ROBO2: variants seen among roughly 807,000 people sequenced by gnomAD.
ROBO2 encodes the protein roundabout guidance receptor 2.
ROBO2 carries 53 observed loss-of-function variants against 160.8 expected under a neutral mutation model. The observed-to-expected ratio is 0.33, with a 90% CI of 0.26 to 0.41. The LOEUF (loss-of-function observed/expected upper bound fraction) is 0.41. ROBO2 is among the 10% of genes least tolerant of loss of function. The pLI is 1.00. For synonymous variants in ROBO2, 664 were observed against 611.7 expected (o/e 1.09, Z -1.26); for missense variants, 1,577 against 1,722.4 (o/e 0.92, Z 1.49).
intron 2 of ROBO2, among the ~76,000 whole-genome samples, chr3:76,745,377 T>C (rs1434186178): frequency 2.0e-5 from 3 of 152,144 alleles, no homozygotes; most frequent in African/African-American, 7.2e-5. Flanking sequence ...TTAGCTATTA[T>C]ATGTGAGCTG....
intron 6 of ROBO2, among the ~76,000 whole-genome samples, chr3:77,526,720 A>G (rs916061408): frequency 6.6e-6 from 1 of 151,506 alleles, no homozygotes; most frequent in African/African-American, 2.4e-5. Flanking sequence ...TTGTTGAAGC[A>G]GCAGTTTGAA....
intron 2 of ROBO2, among the ~76,000 whole-genome samples, chr3:76,414,855 G>C (rs1486869177): frequency 6.6e-6 from 1 of 152,016 alleles, no homozygotes; most frequent in Non-Finnish European, 1.5e-5. Context: ...ATTATTCTAA[G>C]GGAAGTGATT....
chr3:76,887,234 A>G (rs1235619013), intron 2 of ROBO2, among the ~76,000 whole-genome samples: 1 of 116,660 alleles, frequency 8.6e-6, no homozygotes, highest in Non-Finnish European at 1.6e-5. Flanking sequence ...AAGGAATGAC[A>G]TGATGAGAAA....
intron 2 of ROBO2, among the ~76,000 whole-genome samples, chr3:76,846,245 G>A (rs1191324833): frequency 2.0e-5 from 3 of 152,058 alleles, no homozygotes; most frequent in Admixed American, 2.0e-4. Flanking sequence ...AATTAACAAA[G>A]CAGTTATTCC....
intron 2 of ROBO2, among the ~76,000 whole-genome samples, chr3:77,468,285 T>C (rs1178172182): frequency 2.6e-5 from 4 of 152,176 alleles, no homozygotes; most frequent in Non-Finnish European, 5.9e-5. Context: ...TGCTGGCTCT[T>C]TAACTGCAAA....
In ROBO2 at chr3:76,630,373, G is replaced by A. The variant is rs575803625; in HGVS notation, c.110-467641G>A. ...CAGGAACTTGAACTGGAATAAGCAAGTAAATAATTGTGCCACTTGTATTTG... is the reference window on the plus strand; with the variant it reads ...CAGGAACTTGAACTGGAATAAGCAAATAAATAATTGTGCCACTTGTATTTG... On this transcript the variant is annotated intron_variant, in intron 2 of 26. Transcript: ENST00000487694. 6.6e-5 allele frequency among the ~76,000 whole-genome samples: 10 copies of A among 152,284 alleles called. No homozygotes were observed. In the South Asian group the frequency reaches 2.1e-3, roughly 32 times the overall value.
chr3:76,126,056 CA>C (rs2070973284), intron 2 of ROBO2, among the ~76,000 whole-genome samples: 1 of 152,048 alleles, frequency 6.6e-6, no homozygotes, highest in African/African-American at 2.4e-5. Context: ...TCAGGTGATC[CA>C]CCCTCCTCGG....
At chr3:77,563,906 A>G (rs1210444195) in intron 11 of ROBO2, among the ~76,000 whole-genome samples, 1 of 152,168 alleles carries the variant, frequency 6.6e-6, no homozygotes, top group African/African-American at 2.4e-5. Flanking sequence ...AATTGTTGCC[A>G]ATTTAAAGAT....
At chr3:76,374,226 A>G (rs1397501647) in intron 2 of ROBO2, among the ~76,000 whole-genome samples, 2 of 151,990 alleles carry the variant, frequency 1.3e-5, no homozygotes, top group Non-Finnish European at 2.9e-5. Context: ...ACTACAAATG[A>G]TAAAGCATCC....
intron 2 of ROBO2, among the ~76,000 whole-genome samples, chr3:77,474,657 T>TACACACACAC (rs9286680): frequency 9.3e-5 from 12 of 128,576 alleles, no homozygotes; most frequent in African/African-American, 2.5e-4. Context: ...TTAGGGGGAA[T>TACACACACAC]ACACACACAC....
At chr3:76,456,075 C>A (rs1577323371) in intron 2 of ROBO2, among the ~76,000 whole-genome samples, 1 of 152,150 alleles carries the variant, frequency 6.6e-6, no homozygotes, top group Non-Finnish European at 1.5e-5. Flanking sequence ...GTATTTGTAG[C>A]ATATTGATAG....
intron 2 of ROBO2, among the ~76,000 whole-genome samples, chr3:76,214,327 G>A (rs1575909956): frequency 6.6e-6 from 1 of 152,158 alleles, no homozygotes; most frequent in East Asian, 1.9e-4. Flanking sequence ...CCCTCAGTGG[G>A]TGCAGTACAC....
chr3:77,012,146 G>T (rs1315263656), intron 2 of ROBO2, among the ~76,000 whole-genome samples: 2 of 152,124 alleles, frequency 1.3e-5, no homozygotes, highest in African/African-American at 2.4e-5. Context: ...GAAGGGCAAT[G>T]AATACATGAA....
chr3:77,100,902 T>A (rs923819468), intron 2 of ROBO2, among the ~76,000 whole-genome samples: 2 of 152,166 alleles, frequency 1.3e-5, no homozygotes, highest in Non-Finnish European at 2.9e-5. Flanking sequence ...CATTTAAGAA[T>A]GTCCCAGGTG....
intron 2 of ROBO2, among the ~76,000 whole-genome samples, chr3:77,464,294 A>G (rs907792076): frequency 6.6e-6 from 1 of 152,210 alleles, no homozygotes; most frequent in Non-Finnish European, 1.5e-5. Context: ...GCCAAATAGT[A>G]GTAGCTCCAT....
intron 4 of ROBO2, among the ~76,000 whole-genome samples, chr3:77,482,652 G>A (rs562875793): frequency 6.6e-6 from 1 of 152,266 alleles, no homozygotes; most frequent in Admixed American, 6.5e-5. Flanking sequence ...GCTCAGACAA[G>A]TGTCAGTTTG....
At chr3:77,040,324 G>A in exon 1 of ROBO2, 2 of 994,876 alleles carry the variant, frequency 2.0e-6, no homozygotes, top group South Asian at 4.5e-5. Flanking sequence ...GAAGGAAACC[G>A]GGGGAAAGAA....
chr3:77,624,505 T>C (rs1336794172), intron 23 of ROBO2, among the ~76,000 whole-genome samples: 3 of 152,266 alleles, frequency 2.0e-5, no homozygotes, highest in East Asian at 1.9e-4. Flanking sequence ...TAGATGTATA[T>C]AGAGACTGAA....
intron 2 of ROBO2, among the ~76,000 whole-genome samples, chr3:77,163,463 G>A (rs1369599391): frequency 6.6e-6 from 1 of 152,170 alleles, no homozygotes; most frequent in Non-Finnish European, 1.5e-5. Context: ...AATGTCATAT[G>A]TTGTGTTGTT....
Sources: allele counts gnomAD v4.1 joint callset (sites outside exome capture counted in the v4.1 genomes callset), GRCh38; gene constraint gnomAD v4.1.1; transcripts MANE v1.5; gene names NCBI Gene and HGNC (gene_info 2026-07-23, HGNC 2026-07-21).